Variants in SUN2 observed in about 807,000 individuals in gnomAD.
The protein encoded by SUN2 is Sad1 and UNC84 domain containing 2.
Under a neutral mutation model 100.0 loss-of-function variants are expected in SUN2, and 60 were observed. The ratio of observed to expected loss-of-function variants is 0.60; its 90% CI spans 0.49 to 0.74. The LOEUF is 0.74. Ranked by LOEUF, SUN2 falls within the 30% of genes least tolerant of loss-of-function variation. SUN2 has a pLI of 0.00. For missense variants in SUN2, 834 were observed against 954.6 expected, an observed-to-expected ratio of 0.87 and a Z score of 1.66; for synonymous variants, 367 against 403.3, an observed-to-expected ratio of 0.91 and a Z score of 1.08.
At chr22:38,736,627 G>A (rs1239680147) in intron 17 of SUN2, 10 of 355,076 alleles carry the variant, frequency 2.8e-5, no homozygotes, top group Non-Finnish European at 4.6e-5. Flanking sequence ...ATCCACAATC[G>A]TTTTTTTATT....
chr22:38,747,249 T>C (rs573236485), intron 7 of SUN2, among the ~76,000 whole-genome samples: 1 of 150,322 alleles, frequency 6.7e-6, no homozygotes, highest in Non-Finnish European at 1.5e-5. Context: ...GGAGAATCGC[T>C]TGAACCCGGG....
In SUN2 at chr22:38,735,149, C is replaced by G. The variant is rs1403229849; in HGVS notation, c.*1118G>C. On this transcript the variant is annotated 3_prime_UTR_variant, in exon 18 of 18. Transcript: ENST00000689035. ...AGTGGGGCCTGCTGGCTCTAAAAGT[C>G]CCCTCCTCCCCCTTCCCTATCCAGG... is the stretch of plus-strand genomic sequence containing the variant. 2.1e-5 allele frequency: 9 copies of G among 423,508 alleles called. No individual in the cohort carries two copies. The highest frequency in any genetic ancestry group is 1.5e-4 in the South Asian group (9 of 60,156). 26.2% of individuals were successfully genotyped at this position (423,508 alleles called of 1,614,324 possible).
rs1279831999 is a variant in SUN2 at position 38,736,283 on chromosome 22, C to G, written c.2138G>C (p.Gly713Ala). Reference protein sequence around the residue: ...YTCIYRFRVHGEPAH With the variant: ...YTCIYRFRVHAEPAH ...TAAGCAGGGCTAGTGGGCGGGCTCC[C>G]CATGCACTCTGAAGCGGTAGATGCA... The change falls in exon 18 of 18, where the codon GGG becomes GCG. Residue 713 changes from glycine (G) to alanine (A), a missense_variant. By Grantham distance (60) the Gly-to-Ala change is moderately conservative. Coordinates refer to ENST00000689035, the MANE Select transcript of SUN2 (RefSeq NM_015374.3). 6.2e-7 allele frequency: 1 copy of G among 1,613,462 alleles called. No homozygotes were observed. Among genetic ancestry groups the G allele is most frequent in the Non-Finnish European group, 8.5e-7 (1 of 1,179,686 alleles).
chr22:38,749,661 CTG>C (rs2092928513), intron 6 of SUN2, 103 bp downstream of exon 6: 1 of 1,088,842 alleles, frequency 9.2e-7, no homozygotes, highest in Non-Finnish European at 1.3e-6. Flanking sequence ...TCCAGGGAAA[CTG>C]GGGAAAACCC....
chr22:38,754,795 G>C (rs1018161797), intron 1 of SUN2: 5 of 1,284,716 alleles, frequency 3.9e-6, no homozygotes, highest in Admixed American at 2.3e-5. Flanking sequence ...GAGGTTGAGC[G>C]GGGAGTGCTG....
rs1435451030 is a variant in SUN2, at chr22:38,750,901, C to T, written c.421G>A (p.Val141Met). ...SSGYSSEDDYVGYSDVDQQSS... is the reference protein window; with the variant it reads ...SSGYSSEDDYMGYSDVDQQSS... Reference sequence around the variant, plus strand: ...GGAGGGAGGAAGCATCGCCTACCCACGTAGTCGTCCTCAGAGGAGTAGCCC... The same window carrying T: ...GGAGGGAGGAAGCATCGCCTACCCATGTAGTCGTCCTCAGAGGAGTAGCCC... Residue 141 changes from valine (V) to methionine (M), a missense_variant, in exon 4 of 18, where the codon GTG becomes ATG. Physicochemically the swap from Val to Met is conservative, Grantham distance 21. Around this residue, in one of 3 missense-constraint regions of SUN2, gnomAD observed 559 missense variants for 597.7 expected, o/e 0.94. Transcript: ENST00000689035. 1.7e-5 allele frequency: 27 copies of T among 1,613,904 alleles called. No homozygotes were observed. Among genetic ancestry groups the T allele is most frequent in the Admixed American group, 5.0e-5 (3 of 60,006 alleles).
Position 38,741,526 on chromosome 22 carries a change from C to A in SUN2, c.1114G>T (p.Asp372Tyr), listed in dbSNP as rs1425129392. The A allele has an allele frequency of 1.2e-6, 2 of 1,614,048 alleles. No homozygotes were observed. Among genetic ancestry groups the A allele is most frequent in the Non-Finnish European group, 1.7e-6 (2 of 1,180,024 alleles). ...GCCCGGACGATCTTCTTGAAGAGGTCTTCTGAGTCTTGCTGATGCTCTGCT... is the reference window on the plus strand; with the variant it reads ...GCCCGGACGATCTTCTTGAAGAGGTATTCTGAGTCTTGCTGATGCTCTGCT... ...LRAEHQQDSE[D>Y]LFKKIVRASQ... The change falls in exon 10 of 18, where the codon GAC becomes TAC. Residue 372 changes from aspartate to tyrosine, a missense_variant. Asp to Tyr is a radical substitution (Grantham distance 160). Transcript: ENST00000689035.
intron 8 of SUN2, chr22:38,745,255 C>G (rs1453802416): frequency 6.5e-6 from 3 of 462,994 alleles, no homozygotes; most frequent in South Asian, 3.1e-5. Flanking sequence ...AGCTGACCCC[C>G]CCAGCCAACT....
chr22:38,748,213 C>A (rs528354819), intron 7 of SUN2, among the ~76,000 whole-genome samples: 1 of 152,214 alleles, frequency 6.6e-6, no homozygotes, highest in Non-Finnish European at 1.5e-5. Flanking sequence ...ACTCGGGAGG[C>A]TGAGGCAGGA....
At chr22:38,754,519 G>A in intron 1 of SUN2, 3 of 827,574 alleles carry the variant, frequency 3.6e-6, no homozygotes, top group East Asian at 6.4e-5. Context: ...TTTAGCTGGT[G>A]TTGGAAAAGG....
intron 1 of SUN2, chr22:38,754,568 G>T: frequency 9.0e-7 from 1 of 1,107,626 alleles, no homozygotes; most frequent in Non-Finnish European, 1.2e-6. Context: ...GTTGGCCTGG[G>T]TCCTTGTCTC....
At chr22:38,750,117 A>G in intron 5 of SUN2, 108 bp downstream of exon 5, 1 of 1,486,844 alleles carries the variant, frequency 6.7e-7, no homozygotes, top group Non-Finnish European at 9.0e-7. Flanking sequence ...ACCTTTCCCC[A>G]ATGGTCCTAC....
intron 4 of SUN2, 128 bp from the exon 5 acceptor site, chr22:38,750,448 T>A (rs951942986): frequency 6.6e-7 from 1 of 1,511,586 alleles, no homozygotes; most frequent in Non-Finnish European, 8.9e-7. Flanking sequence ...ACAGGCCCGG[T>A]GTGCAGTAAG....
At chr22:38,746,401 T>C (rs900403131) in intron 7 of SUN2, among the ~76,000 whole-genome samples, 2 of 152,144 alleles carry the variant, frequency 1.3e-5, no homozygotes, top group African/African-American at 4.8e-5. Context: ...GGGCCATCTG[T>C]TTGATACCTG....
rs1307083981 is a variant in SUN2, at chr22:38,754,887, A to G, written c.-38+876T>C. On this transcript the variant is annotated intron_variant, in intron 1 of 17. Transcript: ENST00000689035. ...TTTCCTGCGGCATCCTGGCATCACA[A>G]AACAGTTTACCATTGAGTCTGGGTT... 4.7e-6 allele frequency: 6 copies of G among 1,289,086 alleles called. No individual in the cohort carries two copies. The African/African-American group carries it at 7.6e-5, about 16-fold the overall frequency. 79.9% of individuals were successfully genotyped at this position (1,289,086 alleles called of 1,614,324 possible).
rs1490324925 is a variant in SUN2, at chr22:38,738,630, G to C, written c.1904C>G (p.Pro635Arg). The change falls in exon 16 of 18, where the codon CCC becomes CGC. Residue 635 changes from proline to arginine, a missense_variant. By Grantham distance (103) the Pro-to-Arg change is moderately radical (BLOSUM62 -2). Transcript: ENST00000689035. The surrounding 1 kb of genome is among the most constrained non-coding windows in gnomAD (Gnocchi z 6.6). ...GGGGGCACTGGAGATAGTGCTGTTG[G>C]GTGACAAGGCCTTGGGCACATGCTC... Reference protein sequence around the residue: ...TLEHVPKALSPNSTISSAPKD... With the variant: ...TLEHVPKALSRNSTISSAPKD... 40 of 1,613,886 alleles carry C rather than the reference G, an allele frequency of 2.5e-5. No homozygotes were observed. The highest frequency in any genetic ancestry group is 3.2e-5 in the Non-Finnish European group (38 of 1,180,020).
Position 38,742,465 on chromosome 22 carries a change from C to G in SUN2, c.904G>C (p.Ala302Pro). 9 of 1,613,682 alleles carry G rather than the reference C, an allele frequency of 5.6e-6. No individual in the cohort carries two copies. The highest frequency in any genetic ancestry group is 7.6e-6 in the Non-Finnish European group (9 of 1,180,008). Residue 302 changes from alanine (A) to proline (P), a missense_variant, in exon 9 of 18, where the codon GCC (alanine) becomes CCC (proline). Ala to Pro is a conservative substitution (Grantham distance 27, BLOSUM62 -1). Transcript: ENST00000689035. ...AEFSSNWQKE[A>P]MRLERLELRQ... is the part of the protein sequence containing the mutation. ...AGCTCCAGACGTTCCAGCCGCATGG[C>G]CTCCTTCTGCCAGTTGGAGGAAAAT...
intron 8 of SUN2, among the ~76,000 whole-genome samples, chr22:38,744,261 C>CAAA (rs35027225): frequency 8.1e-4 from 49 of 60,676 alleles, no homozygotes; most frequent in African/African-American, 1.1e-3. Context: ...GACTCTGTCT[C>CAAA]AAAAAAAAAA....
At chr22:38,746,248 A>T (rs934673505) in intron 7 of SUN2, among the ~76,000 whole-genome samples, 5 of 152,154 alleles carry the variant, frequency 3.3e-5, no homozygotes, top group Non-Finnish European at 7.3e-5. Flanking sequence ...GTGAGTTTGT[A>T]AAGCTTCCTG....
Sources: gnomAD v4.1 joint callset for allele counts (sites outside exome capture counted in the v4.1 genomes callset) on GRCh38, gnomAD v4.1.1 for gene constraint, gnomAD v4.1.1 regional missense constraint, Gnocchi (gnomAD v3.1) non-coding constraint, MANE v1.5 for transcripts, NCBI Gene and HGNC (gene_info 2026-07-23, HGNC 2026-07-21) for gene names.